The following RAB31 variants were observed in gnomAD, a reference collection of about 807,000 sequenced individuals.
RAB31 encodes the protein ras-related protein Rab-31.
Under a neutral mutation model 25.6 loss-of-function variants are expected in RAB31, and 21 were observed. That is an observed-to-expected ratio of 0.82 (90% confidence interval 0.58 to 1.18). The LOEUF is 1.18. RAB31 is among the 50% of genes most tolerant of loss of function. The pLI is 0.00. For synonymous variants in RAB31, 87 were observed against 84.0 expected (o/e 1.04, Z -0.20); for missense variants, 196 against 250.1 (o/e 0.78, Z 1.46).
rs1568162624 is a variant in RAB31 at position 9,724,292 on chromosome 18, A to AAAAAAAC, written c.39+15850_39+15856dup. Among the ~76,000 whole-genome samples the AAAAAAAC allele has an allele frequency of 4.1e-4, 59 of 143,548 alleles. 1 individual carries two copies. Among genetic ancestry groups the AAAAAAAC allele is most frequent in the African/African-American group, 1.5e-3 (55 of 36,664 alleles). The allele number at this position is 143,548 out of a possible 152,430, so 94.2% of individuals were successfully genotyped here. A position where few individuals can be genotyped will look rare whatever the true frequency, so the allele number is the denominator to read the frequency against. ...TCTCAAAAAAAAAAAAAAAAACAAA[A>AAAAAAAC]AAAAAACATTATTATTGAAATGATA... On this transcript the variant is annotated intron_variant, in intron 1 of 6. Transcript: ENST00000578921.
chr18:9,861,531 A>G lies in RAB31; in HGVS notation c.*2206A>G, dbSNP rs1448365377. The stretch of plus-strand genomic sequence containing the variant: ...TGGGCACACCAGGATTCACATAAAC[A>G]TTGTATCTTCTCTGTGGATGCTCAG... On this transcript the variant is annotated 3_prime_UTR_variant, in exon 7 of 7. Transcript: ENST00000578921. 1 of 152,198 alleles carries G rather than the reference A, an allele frequency of 6.6e-6. No homozygotes were observed. Among genetic ancestry groups the G allele is most frequent in the Non-Finnish European group, 1.5e-5 (1 of 68,036 alleles). 9.4% of individuals were successfully genotyped at this position (152,198 alleles called of 1,614,324 possible). A position where few individuals can be genotyped will look rare whatever the true frequency, so the allele number is the denominator to read the frequency against.
chr18:9,854,199 A>G (rs759194293), intron 6 of RAB31, among the ~76,000 whole-genome samples: 3 of 151,220 alleles, frequency 2.0e-5, no homozygotes, highest in African/African-American at 4.9e-5. Flanking sequence ...TCATTGTTCA[A>G]CTCCCACTTA....
intron 6 of RAB31, among the ~76,000 whole-genome samples, chr18:9,847,818 C>T (rs1419042120): frequency 6.6e-6 from 1 of 152,178 alleles, no homozygotes; most frequent in Non-Finnish European, 1.5e-5. Context: ...AAGCAATCTT[C>T]CCCCATCGGC....
chr18:9,806,189 G>A (rs67011586), intron 3 of RAB31, among the ~76,000 whole-genome samples: 2,353 of 53,694 alleles, frequency 0.044, 68 homozygotes, highest in African/African-American at 0.15. Flanking sequence ...AAAAAAAAAA[G>A]AAGAGCTGTG....
At chr18:9,839,444 T>G (rs1313500512) in intron 5 of RAB31, among the ~76,000 whole-genome samples, 1 of 152,114 alleles carries the variant, frequency 6.6e-6, no homozygotes, top group Non-Finnish European at 1.5e-5. Flanking sequence ...GTCCCCACCA[T>G]GGGCACATGG....
In RAB31 at chr18:9,741,262, G is replaced by C. The variant is rs1021073453; in HGVS notation, c.39+32818G>C. 8.6e-5 allele frequency among the ~76,000 whole-genome samples: 13 copies of C among 150,882 alleles called. No homozygotes were observed. The Admixed American group carries it at 8.6e-4, about 10-fold the overall frequency. ...GTGGTGGCGGGCACCTATAATCCCA[G>C]CTACTAGGGAGGCTGAGGCAGGAGA... On this transcript the variant is annotated intron_variant, in intron 1 of 6. Transcript: ENST00000578921.
At chr18:9,728,192 A>G (rs182757206) in intron 1 of RAB31, among the ~76,000 whole-genome samples, 1 of 152,326 alleles carries the variant, frequency 6.6e-6, no homozygotes, top group African/African-American at 2.4e-5. Context: ...CCATGTATAG[A>G]GCAATCCCAC....
At chr18:9,779,495 ATTC>A (rs1353444994) in intron 2 of RAB31, among the ~76,000 whole-genome samples, 7 of 152,210 alleles carry the variant, frequency 4.6e-5, no homozygotes, top group African/African-American at 7.2e-5. Flanking sequence ...GGTCCTCCTT[ATTC>A]TTTTTCACTG....
chr18:9,775,237 C>A, intron 1 of RAB31, 41 bp from the exon 2 acceptor site: 1 of 1,612,740 alleles, frequency 6.2e-7, no homozygotes, highest in Non-Finnish European at 8.5e-7. Context: ...CTGTGAGTTG[C>A]CGCCCTTCAT....
intron 2 of RAB31, among the ~76,000 whole-genome samples, chr18:9,785,404 T>C (rs2068426620): frequency 6.6e-6 from 1 of 152,142 alleles, no homozygotes; most frequent in South Asian, 2.1e-4. Context: ...CAGAAACACA[T>C]GCAAAGATCT....
chr18:9,799,374 A>C (rs2068502814), intron 3 of RAB31, among the ~76,000 whole-genome samples: 1 of 152,236 alleles, frequency 6.6e-6, no homozygotes, highest in Non-Finnish European at 1.5e-5. Context: ...GCCCAGTAAT[A>C]ATTCTATCTT....
chr18:9,778,642 T>C (rs945557658), intron 2 of RAB31, among the ~76,000 whole-genome samples: 2 of 152,198 alleles, frequency 1.3e-5, no homozygotes, highest in Non-Finnish European at 2.9e-5. Context: ...AGCTAATTTT[T>C]GTATTTTTAG....
Position 9,815,097 on chromosome 18 carries a change from G to A in RAB31, c.274-19G>A, listed in dbSNP as rs1344561489. 1 of 1,469,512 alleles carries A rather than the reference G, an allele frequency of 6.8e-7. No homozygotes were observed. Among genetic ancestry groups the A allele is most frequent in the Middle Eastern group, 1.7e-4 (1 of 5,822 alleles). The allele number at this position is 1,469,512 out of a possible 1,614,324, so 91.0% of individuals were successfully genotyped here. ...TATTGAGGGGTCTTTCTAATGATTT[G>A]TGTACACTGTTGGTTTAGGATTCAT... On this transcript the variant is annotated intron_variant, in intron 4 of 6. Coordinates refer to ENST00000578921, the MANE Select transcript of RAB31 (RefSeq NM_006868.4).
intron 1 of RAB31, among the ~76,000 whole-genome samples, chr18:9,717,513 A>G (rs2068050696): frequency 1.3e-5 from 2 of 151,582 alleles, no homozygotes; most frequent in African/African-American, 4.8e-5. Flanking sequence ...AGAGAGCTAG[A>G]TGCCTTTCTA....
intron 2 of RAB31, among the ~76,000 whole-genome samples, chr18:9,782,398 G>GGTACAATGCCATGGGCT (rs2068409849): frequency 1.3e-5 from 2 of 152,276 alleles, no homozygotes; most frequent in African/African-American, 2.4e-5. Flanking sequence ...CACGACCATT[G>GGTACAATGCCATGGGCT]GTACAATGCC....
chr18:9,811,331 T>A (rs1409610625), intron 3 of RAB31, among the ~76,000 whole-genome samples: 1 of 152,172 alleles, frequency 6.6e-6, no homozygotes, highest in African/African-American at 2.4e-5. Context: ...GTGGCCCACT[T>A]CCTTTCCACA....
At chr18:9,825,964 A>G (rs1255005235) in intron 5 of RAB31, among the ~76,000 whole-genome samples, 1 of 152,166 alleles carries the variant, frequency 6.6e-6, no homozygotes, top group Non-Finnish European at 1.5e-5. Context: ...GACAGTTGCA[A>G]AACTTCCTCT....
intron 5 of RAB31, among the ~76,000 whole-genome samples, chr18:9,827,359 G>A (rs1246886610): frequency 6.6e-6 from 1 of 152,074 alleles, no homozygotes; most frequent in African/African-American, 2.4e-5. Flanking sequence ...GCAGTGGGAA[G>A]TTACCCAACA....
chr18:9,717,541 G>T (rs1238261074), intron 1 of RAB31, among the ~76,000 whole-genome samples: 1 of 150,862 alleles, frequency 6.6e-6, no homozygotes, highest in African/African-American at 2.4e-5. Flanking sequence ...ATTTTTTTTT[G>T]AAGAAAAGGA....
Sources: gnomAD v4.1 joint callset for allele counts (sites outside exome capture counted in the v4.1 genomes callset) on GRCh38, gnomAD v4.1.1 for gene constraint, MANE v1.5 for transcripts, NCBI Gene and HGNC (gene_info 2026-07-23, HGNC 2026-07-21) for gene names.